AGBL1: variants seen among roughly 807,000 people sequenced by gnomAD.
AGBL1 encodes the protein cytosolic carboxypeptidase 4.
A neutral mutation model predicts 118.9 loss-of-function variants in AGBL1; 130 were observed. The ratio of observed to expected loss-of-function variants is 1.09; its 90% confidence interval spans 0.95 to 1.26. The LOEUF (loss-of-function observed/expected upper bound fraction) is 1.26, where lower values mean the gene tolerates loss of function less well. Ranked by LOEUF, AGBL1 falls within the 50% of genes most tolerant of loss-of-function variation. The pLI is 0.00. For synonymous variants in AGBL1, 555 were observed against 478.9 expected, an observed-to-expected ratio of 1.16 and a Z score of -2.08; for missense variants, 1,584 against 1,298.1, an observed-to-expected ratio of 1.22 and a Z score of -3.38.
intron 22 of AGBL1, among the ~76,000 whole-genome samples, chr15:86,699,635 T>C (rs1319406696): frequency 2.0e-5 from 3 of 152,082 alleles, no homozygotes; most frequent in Non-Finnish European, 4.4e-5. Context: ...TTTCTTTTGA[T>C]TAAATTTAGC....
chr15:86,985,962 C>T (rs558612313), intron 23 of AGBL1, among the ~76,000 whole-genome samples: 75 of 147,828 alleles, frequency 5.1e-4, no homozygotes, highest in African/African-American at 1.6e-3. Context: ...TTCCCTCTTT[C>T]GCCTAGGCTG....
intron 24 of AGBL1, among the ~76,000 whole-genome samples, chr15:86,991,103 A>C (rs1440282397): frequency 1.3e-5 from 2 of 152,210 alleles, no homozygotes; most frequent in African/African-American, 4.8e-5. Context: ...AGTTTTTTAT[A>C]ATAGACAAAA....
In AGBL1 at chr15:86,143,761, C is replaced by G; in HGVS notation, c.178C>G (p.Leu60Val). 6.2e-7 allele frequency: 1 copy of G among 1,613,926 alleles called. No individual in the cohort carries two copies. Among genetic ancestry groups the G allele is most frequent in the Non-Finnish European group, 8.5e-7 (1 of 1,179,816 alleles). Residue 60 changes from leucine to valine, a missense_variant, in exon 3 of 23, where the codon CTG (leucine) becomes GTG (valine). Leu to Val is a conservative substitution (Grantham distance 32). Transcript: ENST00000614907. ...KGGSEALLQTLVDTARTAPPD... is the reference protein window; with the variant it reads ...KGGSEALLQTVVDTARTAPPD... Reference sequence around the variant, plus strand: ...TGGCAGTGAAGCTCTTCTGCAGACCCTGGTAGACACAGCGAGGACAGCTCC... The same window carrying G: ...TGGCAGTGAAGCTCTTCTGCAGACCGTGGTAGACACAGCGAGGACAGCTCC...
At chr15:86,708,053 CT>C (rs1439426955) in intron 22 of AGBL1, among the ~76,000 whole-genome samples, 3 of 152,124 alleles carry the variant, frequency 2.0e-5, no homozygotes, top group African/African-American at 7.2e-5. Context: ...GTAGCTACTG[CT>C]TGACAATTGC....
At chr15:86,432,714 A>G (rs2081949491) in intron 18 of AGBL1, among the ~76,000 whole-genome samples, 1 of 152,256 alleles carries the variant, frequency 6.6e-6, no homozygotes, top group African/African-American at 2.4e-5. Context: ...AGGAGCTTAG[A>G]TAAAAGCCTG....
intron 15 of AGBL1, among the ~76,000 whole-genome samples, chr15:86,272,871 G>A (rs2079183978): frequency 1.3e-5 from 2 of 151,996 alleles, no homozygotes; most frequent in South Asian, 4.1e-4. Context: ...CACCTAAATG[G>A]CAACTACTCT....
chr15:86,108,767 G>A lies in AGBL1; in HGVS notation c.51+28744G>A, dbSNP rs536057955. ...AGGTCAAGAGATCGAAGCCATCCTG[G>A]CCAACATGGTGAAAGCCTGTCTCTA... is the stretch of plus-strand genomic sequence containing the variant. On this transcript the variant is annotated intron_variant, in intron 1 of 22. Coordinates refer to ENST00000614907, the MANE Select transcript of AGBL1 (RefSeq NM_001386094.1). Among the ~76,000 whole-genome samples the A allele has an allele frequency of 4.6e-5, 7 of 152,272 alleles. No homozygotes were observed. In the East Asian group the frequency reaches 1.4e-3, roughly 29 times the overall value.
intron 18 of AGBL1, among the ~76,000 whole-genome samples, chr15:86,402,445 A>T (rs968033926): frequency 1.3e-5 from 2 of 151,994 alleles, no homozygotes; most frequent in African/African-American, 4.8e-5. Context: ...GATGCCCTTT[A>T]TTTCTTGTCT....
chr15:86,973,468 CA>C (rs59738431), intron 23 of AGBL1, among the ~76,000 whole-genome samples: 6,083 of 152,040 alleles, frequency 0.04, 154 homozygotes, highest in Middle Eastern at 0.068. Flanking sequence ...TGTCAGCCTA[CA>C]TTCCTCTTCA....
At chr15:86,497,363 T>A (rs1190466862) in intron 18 of AGBL1, among the ~76,000 whole-genome samples, 1 of 152,036 alleles carries the variant, frequency 6.6e-6, no homozygotes, top group South Asian at 2.1e-4. Context: ...AATTCTAATT[T>A]AAAAATTGTC....
intron 18 of AGBL1, among the ~76,000 whole-genome samples, chr15:86,487,651 C>T (rs1761832528): frequency 6.6e-6 from 1 of 151,860 alleles, no homozygotes; most frequent in African/African-American, 2.4e-5. Flanking sequence ...CAGTGCCAGA[C>T]AGCAAGCTTA....
chr15:86,680,565 C>CTTTTTTTTTTTTTTTTT (rs34873609), intron 22 of AGBL1, among the ~76,000 whole-genome samples: 64 of 94,702 alleles, frequency 6.8e-4, no homozygotes, highest in Non-Finnish European at 8.8e-4. Context: ...TCTTTCTTTT[C>CTTTTTTTTTTTTTTTTT]TTTTTTTTTT....
intron 22 of AGBL1, among the ~76,000 whole-genome samples, chr15:86,902,344 A>G (rs999303902): frequency 6.6e-6 from 1 of 152,090 alleles, no homozygotes; most frequent in Non-Finnish European, 1.5e-5. Flanking sequence ...CTTAATTTGC[A>G]TTTCCCTCAC....
intron 22 of AGBL1, among the ~76,000 whole-genome samples, chr15:86,830,146 G>A (rs947675316): frequency 1.2e-4 from 18 of 151,586 alleles, no homozygotes; most frequent in Non-Finnish European, 2.1e-4. Context: ...GAGGTATAAC[G>A]CATATACTCT....
chr15:86,598,220 T>G (rs2142365538), intron 21 of AGBL1, among the ~76,000 whole-genome samples: 1 of 152,212 alleles, frequency 6.6e-6, no homozygotes, highest in East Asian at 1.9e-4. Context: ...ATCATCATGG[T>G]AATCATATAA....
chr15:86,373,734 C>T (rs2080999918), intron 17 of AGBL1, among the ~76,000 whole-genome samples: 2 of 152,132 alleles, frequency 1.3e-5, no homozygotes, highest in African/African-American at 4.8e-5. Context: ...GCTGGAAAGA[C>T]CAGGGGTTAA....
intron 21 of AGBL1, among the ~76,000 whole-genome samples, chr15:86,576,314 G>A (rs2084091172): frequency 6.6e-6 from 1 of 152,112 alleles, no homozygotes; most frequent in South Asian, 2.1e-4. Context: ...AAAACGATTT[G>A]GGAATTGGGC....
At chr15:86,949,845 A>C (rs2080860501) in intron 23 of AGBL1, among the ~76,000 whole-genome samples, 2 of 152,102 alleles carry the variant, frequency 1.3e-5, no homozygotes, top group South Asian at 4.1e-4. Flanking sequence ...ATGATAGCAA[A>C]ATAGCATATT....
At chr15:86,485,506 A>G (rs1321267436) in intron 18 of AGBL1, among the ~76,000 whole-genome samples, 3 of 152,134 alleles carry the variant, frequency 2.0e-5, no homozygotes, top group Non-Finnish European at 2.9e-5. Flanking sequence ...CTCTGCTGTT[A>G]TAGTACAGAA....
Sources: gnomAD v4.1 joint callset for allele counts (sites outside exome capture counted in the v4.1 genomes callset) on GRCh38, gnomAD v4.1.1 for gene constraint, MANE v1.5 for transcripts, NCBI Gene and HGNC (gene_info 2026-07-23, HGNC 2026-07-21) for gene names.